Variants in ZBTB38 observed in about 807,000 individuals in gnomAD.
The protein encoded by ZBTB38 is zinc finger and BTB domain containing 38.
ZBTB38 carries 20 observed loss-of-function variants against 76.8 expected under a neutral mutation model. The ratio of observed to expected loss-of-function variants is 0.26; its 90% CI spans 0.18 to 0.38. ZBTB38 has a LOEUF of 0.38. ZBTB38 is among the 10% of genes least tolerant of loss of function. The probability of loss-of-function intolerance (pLI) is 1.00; values close to 1 mark genes in which losing one functional copy is unlikely to be tolerated. For missense variants in ZBTB38, 1,082 were observed against 1,482.3 expected (o/e 0.73, Z 4.43); for synonymous variants, 504 against 544.2 (o/e 0.93, Z 1.03).
At chr3:141,351,893 G>A (rs1943527603) in intron 1 of ZBTB38, among the ~76,000 whole-genome samples, 1 of 152,018 alleles carries the variant, frequency 6.6e-6, no homozygotes, top group Non-Finnish European at 1.5e-5. Context: ...CCATGGGAGA[G>A]GAAGATACCA....
chr3:141,439,525 C>T (rs1281912636), intron 5 of ZBTB38, among the ~76,000 whole-genome samples: 1 of 152,186 alleles, frequency 6.6e-6, no homozygotes. Context: ...GTTGAACAAT[C>T]TGAGAGAAGA....
chr3:141,375,486 G>A (rs1256663399), intron 2 of ZBTB38, among the ~76,000 whole-genome samples: 1 of 152,294 alleles, frequency 6.6e-6, no homozygotes, highest in East Asian at 1.9e-4. Flanking sequence ...CCTAGCAAGG[G>A]GCCCACGTGC....
chr3:141,400,531 T>C (rs1336456045), intron 4 of ZBTB38, among the ~76,000 whole-genome samples: 3 of 152,230 alleles, frequency 2.0e-5, no homozygotes, highest in African/African-American at 7.2e-5. Flanking sequence ...AATCCCTTTA[T>C]GTCACTCACC....
chr3:141,341,674 G>C (rs1943202218), intron 1 of ZBTB38, among the ~76,000 whole-genome samples: 1 of 152,188 alleles, frequency 6.6e-6, no homozygotes, highest in Non-Finnish European at 1.5e-5. Context: ...TAATATTATG[G>C]AAACCAAGGG....
chr3:141,443,427 T>C lies in ZBTB38; in HGVS notation c.1039T>C (p.Cys347Arg). Residue 347 changes from cysteine (C) to arginine (R), a missense_variant, in exon 6 of 6, where the codon TGT becomes CGT. Physicochemically the swap from Cys to Arg is radical, Grantham distance 180. Transcript: ENST00000321464. This position sits in a 1 kb window ranked among gnomAD's most constrained non-coding sequence, Gnocchi z 5.6. ...VPPLVYNCSC[C>R]SKAFDSSTLL... Reference sequence around the variant, plus strand: ...ACCTCTGGTGTACAATTGTAGCTGCTGTTCCAAAGCCTTTGACAGCAGCAC... The same window carrying C: ...ACCTCTGGTGTACAATTGTAGCTGCCGTTCCAAAGCCTTTGACAGCAGCAC... The C allele has an allele frequency of 6.2e-7, 1 of 1,614,230 alleles. No individual in the cohort carries two copies. The highest frequency in any genetic ancestry group is 8.5e-7 in the Non-Finnish European group (1 of 1,180,032).
chr3:141,400,054 C>T (rs1577054496), intron 4 of ZBTB38, among the ~76,000 whole-genome samples: 1 of 126,352 alleles, frequency 7.9e-6, no homozygotes, highest in Non-Finnish European at 1.6e-5. Flanking sequence ...AGAGGAAACA[C>T]ATCATGTTTA....
chr3:141,347,961 A>C (rs751373645), intron 1 of ZBTB38, among the ~76,000 whole-genome samples: 1 of 152,172 alleles, frequency 6.6e-6, no homozygotes, highest in Admixed American at 6.5e-5. Context: ...TCTTGTTCTG[A>C]TTAGACCCTG....
chr3:141,395,954 C>G (rs1209898285), intron 4 of ZBTB38, among the ~76,000 whole-genome samples: 2 of 152,178 alleles, frequency 1.3e-5, no homozygotes, highest in East Asian at 1.9e-4. Flanking sequence ...GATGTCTGAG[C>G]CTTCAGCAAG....
At chr3:141,335,154 G>T (rs1199023894) in intron 1 of ZBTB38, among the ~76,000 whole-genome samples, 1 of 152,202 alleles carries the variant, frequency 6.6e-6, no homozygotes, top group Admixed American at 6.5e-5. Flanking sequence ...AAGGGTGCTT[G>T]GTTGGAAGGC....
rs1197147445 is a variant in ZBTB38 at position 141,445,846 on chromosome 3, G to C, written c.3458G>C (p.Ser1153Thr). 1 of 1,613,966 alleles carries C rather than the reference G, an allele frequency of 6.2e-7. No homozygotes were observed. Among genetic ancestry groups the C allele is most frequent in the Admixed American group, 1.7e-5 (1 of 60,030 alleles). The change falls in exon 6 of 6, where the codon AGT (serine) becomes ACT (threonine). Residue 1153 changes from serine (S) to threonine (T), a missense_variant. By Grantham distance (58) the Ser-to-Thr change is moderately conservative (BLOSUM62 1). This residue lies in a region of ZBTB38 where 54 missense variants were observed against 57.9 expected (regional missense o/e 0.93). Coordinates refer to ENST00000321464, the MANE Select transcript of ZBTB38 (RefSeq NM_001376113.1). The surrounding 1 kb of genome is among the most constrained non-coding windows in gnomAD (Gnocchi z 6.5). ...AAGAAACACTTATTCAAAAGCCCAAGTCAGCAGGAGAAAATAGGTGACGTG... is the reference window on the plus strand; with the variant it reads ...AAGAAACACTTATTCAAAAGCCCAACTCAGCAGGAGAAAATAGGTGACGTG... ...HQKKHLFKSP[S>T]QQEKIGDVCH...
intron 5 of ZBTB38, among the ~76,000 whole-genome samples, chr3:141,436,427 C>T (rs1295055755): frequency 6.6e-6 from 1 of 152,140 alleles, no homozygotes; most frequent in Non-Finnish European, 1.5e-5. Flanking sequence ...AGCCACTTGG[C>T]ACCAGTCCTT....
intron 1 of ZBTB38, among the ~76,000 whole-genome samples, chr3:141,342,608 G>T (rs1943230976): frequency 6.6e-6 from 1 of 152,044 alleles, no homozygotes; most frequent in Non-Finnish European, 1.5e-5. Flanking sequence ...TTGAGAAGCG[G>T]GTGCCACACC....
intron 4 of ZBTB38, among the ~76,000 whole-genome samples, chr3:141,391,026 G>A (rs1041722087): frequency 1.9e-4 from 29 of 152,050 alleles, no homozygotes; most frequent in African/African-American, 6.5e-4. Context: ...CACGGTGGCT[G>A]GTGTGCACCT....
chr3:141,394,188 TA>T (rs1247454428), intron 4 of ZBTB38: 2 of 152,136 alleles, frequency 1.3e-5, no homozygotes, highest in Non-Finnish European at 2.9e-5. Flanking sequence ...TTTTTGTATT[TA>T]TTTTTTTTAG....
At chr3:141,370,607 C>T (rs541468984) in intron 2 of ZBTB38, among the ~76,000 whole-genome samples, 3 of 152,362 alleles carry the variant, frequency 2.0e-5, no homozygotes, top group African/African-American at 7.2e-5. Context: ...TCCTGACTGA[C>T]ACTCTTAGGT....
intron 1 of ZBTB38, among the ~76,000 whole-genome samples, chr3:141,350,671 A>G (rs1943489386): frequency 1.3e-5 from 2 of 152,244 alleles, no homozygotes; most frequent in African/African-American, 4.8e-5. Context: ...CTTTGACATC[A>G]TATTTAATTA....
At chr3:141,339,032 G>A (rs1943097445) in intron 1 of ZBTB38, among the ~76,000 whole-genome samples, 1 of 152,076 alleles carries the variant, frequency 6.6e-6, no homozygotes, top group South Asian at 2.1e-4. Flanking sequence ...AAGGGTGTTG[G>A]ATAAGACCTC....
intron 1 of ZBTB38, among the ~76,000 whole-genome samples, chr3:141,355,413 T>A (rs2148944273): frequency 6.6e-6 from 1 of 152,232 alleles, no homozygotes; most frequent in East Asian, 1.9e-4. Context: ...GATATCCTGA[T>A]TCATAGACCG....
intron 1 of ZBTB38, among the ~76,000 whole-genome samples, chr3:141,359,985 G>T (rs1943772737): frequency 6.6e-6 from 1 of 152,200 alleles, no homozygotes; most frequent in African/African-American, 2.4e-5. Context: ...TTATAAATTT[G>T]TCATAAGATG....
Sources: allele counts gnomAD v4.1 joint callset (sites outside exome capture counted in the v4.1 genomes callset), GRCh38; gene constraint gnomAD v4.1.1; regional missense constraint gnomAD v4.1.1; non-coding constraint Gnocchi (gnomAD v3.1); transcripts MANE v1.5; gene names NCBI Gene and HGNC (gene_info 2026-07-23, HGNC 2026-07-21).